NDRG1: variants seen among roughly 807,000 people sequenced by gnomAD.
NDRG1 encodes protein NDRG1.
Under a neutral mutation model 56.9 loss-of-function variants are expected in NDRG1, and 32 were observed. The observed-to-expected ratio is 0.56, with a 90% CI of 0.42 to 0.76. The LOEUF (loss-of-function observed/expected upper bound fraction) is 0.76, where lower values mean the gene tolerates loss of function less well. Ranked by LOEUF, NDRG1 falls within the 30% of genes least tolerant of loss-of-function variation. The probability of loss-of-function intolerance (pLI) is 0.00; values close to 1 mark genes in which losing one functional copy is unlikely to be tolerated. For missense variants in NDRG1, 507 were observed against 545.7 expected, an observed-to-expected ratio of 0.93 and a Z score of 0.71; for synonymous variants, 211 against 204.1, an observed-to-expected ratio of 1.03 and a Z score of -0.29.
intron 12 of NDRG1, among the ~76,000 whole-genome samples, chr8:133,247,183 T>C (rs918532103): frequency 1.3e-5 from 2 of 152,200 alleles, no homozygotes; most frequent in Admixed American, 6.5e-5. Flanking sequence ...AGTAAAACTA[T>C]CACCTCCCTT....
intron 13 of NDRG1, 89 bp downstream of exon 13, chr8:133,246,527 G>C: frequency 7.7e-7 from 1 of 1,302,950 alleles, no homozygotes; most frequent in Non-Finnish European, 1.1e-6. Flanking sequence ...CGTGTGCCTT[G>C]CCTTTTTCAA....
chr8:133,287,928 T>C (rs1013724127), intron 1 of NDRG1, among the ~76,000 whole-genome samples: 5 of 150,594 alleles, frequency 3.3e-5, no homozygotes, highest in African/African-American at 1.2e-4. Flanking sequence ...TTTAATCTAG[T>C]GCATGCGTGC....
intron 3 of NDRG1, chr8:133,264,912 C>T: frequency 1.9e-6 from 1 of 525,516 alleles, no homozygotes; most frequent in Non-Finnish European, 3.5e-6. Context: ...GGGGAAAGGG[C>T]TTGCCCGCCA....
chr8:133,286,242 A>G (rs1858107272), intron 1 of NDRG1, among the ~76,000 whole-genome samples: 1 of 152,252 alleles, frequency 6.6e-6, no homozygotes, highest in Non-Finnish European at 1.5e-5. Flanking sequence ...TGCTTTCAGT[A>G]AAATTCACTT....
Position 133,248,696 on chromosome 8 carries a change from G to A in NDRG1, c.755+19C>T. On this transcript the variant is annotated intron_variant, in intron 11 of 15. Transcript: ENST00000323851. ...GGCAGCCCCGACTGCAAGTGCTGGG[G>A]GAGAGAAAAGCCACTCACTGCAGGG... The A allele has an allele frequency of 1.2e-6, 2 of 1,614,148 alleles. No individual in the cohort carries two copies. Among genetic ancestry groups the A allele is most frequent in the East Asian group, 2.2e-5 (1 of 44,880 alleles).
intron 3 of NDRG1, among the ~76,000 whole-genome samples, chr8:133,279,351 G>A (rs1423826122): frequency 6.6e-6 from 1 of 152,196 alleles, no homozygotes; most frequent in Admixed American, 6.5e-5. Flanking sequence ...TCCAAAGACA[G>A]TGCAAGATTC....
At chr8:133,270,183 CTA>C (rs1857122357) in intron 3 of NDRG1, among the ~76,000 whole-genome samples, 1 of 152,258 alleles carries the variant, frequency 6.6e-6, no homozygotes, top group Non-Finnish European at 1.5e-5. Flanking sequence ...TCTACACTGC[CTA>C]TATGCTGGCA....
chr8:133,290,920 C>A (rs1858394877), intron 1 of NDRG1, among the ~76,000 whole-genome samples: 1 of 152,186 alleles, frequency 6.6e-6, no homozygotes, highest in Non-Finnish European at 1.5e-5. Flanking sequence ...ACCCAGTTCA[C>A]AAATGGGTAA....
chr8:133,270,322 G>A (rs1453842101), intron 3 of NDRG1, among the ~76,000 whole-genome samples: 1 of 152,222 alleles, frequency 6.6e-6, no homozygotes, highest in Non-Finnish European at 1.5e-5. Context: ...TGGCTTGGGA[G>A]CTTTAAAACT....
chr8:133,293,224 A>T (rs752616867), intron 1 of NDRG1, among the ~76,000 whole-genome samples: 5 of 152,162 alleles, frequency 3.3e-5, no homozygotes, highest in Admixed American at 6.5e-5. Flanking sequence ...CTCAGCCAAG[A>T]CCGCTATCTA....
chr8:133,274,295 C>T (rs1857344814), intron 3 of NDRG1, among the ~76,000 whole-genome samples: 1 of 152,196 alleles, frequency 6.6e-6, no homozygotes, highest in African/African-American at 2.4e-5. Flanking sequence ...GCTCTGGGCT[C>T]AGTGTGTGTG....
In NDRG1 at chr8:133,256,619, TC is replaced by T. The variant is rs1179510440; in HGVS notation, c.537+157del. On this transcript the variant is annotated intron_variant, in intron 8 of 15. Transcript: ENST00000323851. ...AAACGGCTGAGGTCATGTGTACTGT[TC>T]TAAGTAAAGCAGAGGGAACTGGAGT... 2.0e-5 allele frequency among the ~76,000 whole-genome samples: 3 copies of T among 152,208 alleles called. No homozygotes were observed. In the East Asian group the frequency reaches 5.8e-4, roughly 29 times the overall value.
At chr8:133,290,465 G>A (rs1300718497) in intron 1 of NDRG1, among the ~76,000 whole-genome samples, 1 of 152,200 alleles carries the variant, frequency 6.6e-6, no homozygotes, top group Non-Finnish European at 1.5e-5. Flanking sequence ...GAGGCATCAA[G>A]AGGTTAAGAT....
chr8:133,286,557 A>T (rs1858124667), intron 1 of NDRG1, among the ~76,000 whole-genome samples: 1 of 152,206 alleles, frequency 6.6e-6, no homozygotes, highest in Non-Finnish European at 1.5e-5. Context: ...GGTTAAAAAA[A>T]TCGCTGTGTG....
chr8:133,282,782 C>T (rs1191467152), intron 2 of NDRG1, among the ~76,000 whole-genome samples: 1 of 152,162 alleles, frequency 6.6e-6, no homozygotes, highest in African/African-American at 2.4e-5. Context: ...GGTCATGTGG[C>T]CTTCAATGCC....
At chr8:133,250,316 T>G in intron 10 of NDRG1, 124 bp downstream of exon 10, 1 of 908,110 alleles carries the variant, frequency 1.1e-6, no homozygotes, top group East Asian at 2.4e-5. Flanking sequence ...TTAATCTATT[T>G]GCTCAAACTC....
At chr8:133,272,556 G>A (rs536522250) in intron 3 of NDRG1, among the ~76,000 whole-genome samples, 1 of 152,340 alleles carries the variant, frequency 6.6e-6, no homozygotes, top group South Asian at 2.1e-4. Flanking sequence ...ACCAGGAGAT[G>A]AGTGAGGTCA....
chr8:133,277,099 G>A (rs2130778555), intron 3 of NDRG1, among the ~76,000 whole-genome samples: 1 of 152,320 alleles, frequency 6.6e-6, no homozygotes, highest in South Asian at 2.1e-4. Flanking sequence ...ACAAATCAAT[G>A]CAAATTAATA....
chr8:133,296,409 C>T (rs1858764222), intron 1 of NDRG1: 1 of 450,854 alleles, frequency 2.2e-6, no homozygotes, highest in Non-Finnish European at 4.5e-6. Context: ...CGGGGGCGCA[C>T]CCTGCCCAGT....
Sources: allele counts gnomAD v4.1 joint callset (sites outside exome capture counted in the v4.1 genomes callset), GRCh38; gene constraint gnomAD v4.1.1; transcripts MANE v1.5; gene names NCBI Gene and HGNC (gene_info 2026-07-23, HGNC 2026-07-21).